Variants in TEX36 observed in about 807,000 individuals in gnomAD.
TEX36 encodes testis-expressed protein 36.
Under a neutral mutation model 13.6 loss-of-function variants are expected in TEX36, and 12 were observed. The ratio of observed to expected loss-of-function variants is 0.88; its 90% CI spans 0.56 to 1.43. TEX36 has a LOEUF of 1.43. TEX36 is among the 40% of genes most tolerant of loss of function. The pLI, the probability that TEX36 is intolerant of heterozygous loss-of-function variation, is 0.00. For synonymous variants in TEX36, 93 were observed against 83.0 expected, an observed-to-expected ratio of 1.12 and a Z score of -0.65; for missense variants, 224 against 228.3, an observed-to-expected ratio of 0.98 and a Z score of 0.12.
chr10:125,591,029 T>C (rs1331618172), intron 3 of TEX36, among the ~76,000 whole-genome samples: 1 of 152,176 alleles, frequency 6.6e-6, no homozygotes, highest in East Asian at 1.9e-4. Flanking sequence ...GCCTGCACTG[T>C]ACTATACCTG....
downstream of TEX36, among the ~76,000 whole-genome samples, chr10:125,617,256 T>C (rs1359585638): frequency 2.0e-5 from 3 of 152,042 alleles, no homozygotes; most frequent in African/African-American, 7.3e-5. Flanking sequence ...CCAGTCTGTG[T>C]CTTTTAATTG....
At chr10:125,636,943 G>A (rs1364686263) in intron 3 of TEX36, among the ~76,000 whole-genome samples, 1 of 151,738 alleles carries the variant, frequency 6.6e-6, no homozygotes, top group Non-Finnish European at 1.5e-5. Context: ...CCTCCCCCAG[G>A]CCCCAGGTCA....
At chr10:125,670,686 G>A (rs1002199902) in intron 1 of TEX36, among the ~76,000 whole-genome samples, 1 of 152,080 alleles carries the variant, frequency 6.6e-6, no homozygotes, top group Non-Finnish European at 1.5e-5. Flanking sequence ...GTCCTGAAGG[G>A]TATTGCCTAA....
chr10:125,621,496 AT>A, downstream of TEX36: 1 of 409,530 alleles, frequency 2.4e-6, no homozygotes, highest in Non-Finnish European at 4.9e-6. Context: ...CCAGTGTGTA[AT>A]TTTTGATATT....
At chr10:125,586,415 T>C (rs1198510529) in intron 3 of TEX36, among the ~76,000 whole-genome samples, 2 of 152,170 alleles carry the variant, frequency 1.3e-5, no homozygotes, top group Non-Finnish European at 1.5e-5. Flanking sequence ...TATACCTTGG[T>C]ATTTTATTTT....
intron 1 of TEX36, among the ~76,000 whole-genome samples, chr10:125,680,103 A>G (rs1460580879): frequency 2.0e-5 from 3 of 152,166 alleles, no homozygotes; most frequent in African/African-American, 7.2e-5. Flanking sequence ...TCTATCTTCT[A>G]TTTTTAAAAT....
intron 3 of TEX36, among the ~76,000 whole-genome samples, chr10:125,608,851 G>A (rs1846250531): frequency 6.6e-6 from 1 of 151,630 alleles, no homozygotes; most frequent in African/African-American, 2.4e-5. Context: ...TTTAAAAAGG[G>A]AGGCCGGGCG....
chr10:125,618,580 C>T (rs1220097905), downstream of TEX36, among the ~76,000 whole-genome samples: 1 of 151,978 alleles, frequency 6.6e-6, no homozygotes, highest in Non-Finnish European at 1.5e-5. Flanking sequence ...CTGGGGGGTG[C>T]CTCTCAGTTA....
At chr10:125,613,821 G>C (rs1025266987) in intron 3 of TEX36, among the ~76,000 whole-genome samples, 15 of 152,114 alleles carry the variant, frequency 9.9e-5, no homozygotes, top group African/African-American at 3.6e-4. Context: ...GGGTCAAATG[G>C]TATTTCTAGT....
intron 3 of TEX36, among the ~76,000 whole-genome samples, chr10:125,660,551 T>A (rs1589779719): frequency 6.6e-6 from 1 of 152,256 alleles, no homozygotes; most frequent in Non-Finnish European, 1.5e-5. Flanking sequence ...GAACCACCAC[T>A]GTATCAGACT....
At chr10:125,639,833 G>T (rs991546910) in intron 3 of TEX36, among the ~76,000 whole-genome samples, 1 of 152,220 alleles carries the variant, frequency 6.6e-6, no homozygotes, top group Admixed American at 6.5e-5. Flanking sequence ...GATTTCTCCT[G>T]TGAGATTATG....
In TEX36 at chr10:125,605,551, A is replaced by T. The variant is rs542989038; in HGVS notation, c.265-28677T>A. Among the ~76,000 whole-genome samples the T allele has an allele frequency of 2.0e-5, 3 of 152,350 alleles. No homozygotes were observed. In the East Asian group the frequency reaches 5.8e-4, roughly 29 times the overall value. ...TTGTTAGTGAAAACAAAAAAGAGTG[A>T]AGGAATGAATGAAGAAACTTTCTGG... On this transcript the variant is annotated intron_variant, in intron 3 of 3. Coordinates refer to the TEX36 transcript ENST00000532135.
chr10:125,678,712 C>A (rs2133614935), intron 1 of TEX36, among the ~76,000 whole-genome samples: 1 of 152,196 alleles, frequency 6.6e-6, no homozygotes, highest in African/African-American at 2.4e-5. Context: ...GGTGCTTGCA[C>A]ATGGGGGCCA....
chr10:125,611,872 T>C (rs1345097101), intron 3 of TEX36, among the ~76,000 whole-genome samples: 1 of 152,084 alleles, frequency 6.6e-6, no homozygotes, highest in African/African-American at 2.4e-5. Flanking sequence ...CCCTCAGGTC[T>C]CTGCTTGTGT....
Position 125,625,994 on chromosome 10 carries a change from C to A in TEX36, c.265-4349G>T, listed in dbSNP as rs369094156. Among the ~76,000 whole-genome samples, 6 of 152,212 alleles carry A rather than the reference C, an allele frequency of 3.9e-5. No homozygotes were observed. In the East Asian group the frequency reaches 9.6e-4, roughly 24 times the overall value. On this transcript the variant is annotated intron_variant, in intron 3 of 3. Transcript: ENST00000526819. ...GGAGGCATTACCCATCACCTGCTCTCGTAGACACCTTCAGGGACCACGGCT... is the reference window on the plus strand; with the variant it reads ...GGAGGCATTACCCATCACCTGCTCTAGTAGACACCTTCAGGGACCACGGCT...
chr10:125,587,622 A>T (rs901888893), intron 3 of TEX36, among the ~76,000 whole-genome samples: 1 of 151,990 alleles, frequency 6.6e-6, no homozygotes, highest in South Asian at 2.1e-4. Flanking sequence ...GCACATCTCT[A>T]CTAAAAATAC....
intron 3 of TEX36, among the ~76,000 whole-genome samples, chr10:125,586,271 C>T (rs1201672854): frequency 6.6e-6 from 1 of 152,138 alleles, no homozygotes; most frequent in Non-Finnish European, 1.5e-5. Context: ...TTACTCTCAT[C>T]TATGCTATTT....
chr10:125,639,826 T>A (rs61873499), intron 3 of TEX36, among the ~76,000 whole-genome samples: 164 of 152,342 alleles, frequency 1.1e-3, no homozygotes, highest in Admixed American at 1.6e-3. Context: ...ACAATAAGAT[T>A]TCTCCTGTGA....
chr10:125,619,867 T>C (rs1325932635), downstream of TEX36, among the ~76,000 whole-genome samples: 3 of 151,604 alleles, frequency 2.0e-5, no homozygotes, highest in Non-Finnish European at 4.4e-5. Flanking sequence ...TTTTTACTAT[T>C]TATTTATAAA....
Sources: allele counts gnomAD v4.1 joint callset (sites outside exome capture counted in the v4.1 genomes callset), GRCh38; gene constraint gnomAD v4.1.1; transcripts MANE v1.5; gene names NCBI Gene and HGNC (gene_info 2026-07-23, HGNC 2026-07-21).